Variants in QPCT observed in about 807,000 individuals in gnomAD.
QPCT encodes the protein EC.
QPCT carries 44 observed loss-of-function variants against 43.4 expected under a neutral mutation model. The ratio of observed to expected loss-of-function variants is 1.01; its 90% CI spans 0.80 to 1.30. QPCT has a LOEUF of 1.30. Among genes scored for constraint, QPCT ranks in the 50% most tolerant of loss-of-function variants. QPCT has a pLI of 0.00. For synonymous variants in QPCT, 168 were observed against 168.4 expected, an observed-to-expected ratio of 1.00 and a Z score of 0.02; for missense variants, 526 against 436.5, an observed-to-expected ratio of 1.21 and a Z score of -1.83.
At chr2:37,346,504 A>G (rs1672491298) in intron 1 of QPCT, among the ~76,000 whole-genome samples, 1 of 152,220 alleles carries the variant, frequency 6.6e-6, no homozygotes, top group Admixed American at 6.5e-5. Context: ...CTCTGAAAAG[A>G]TCATTTGTAG....
intron 5 of QPCT, among the ~76,000 whole-genome samples, chr2:37,370,560 T>C (rs1225067515): frequency 1.3e-5 from 2 of 152,230 alleles, no homozygotes; most frequent in African/African-American, 4.8e-5. Flanking sequence ...TGCCATCTTC[T>C]ATTTTCTACC....
chr2:37,350,333 A>G (rs1176279115), intron 1 of QPCT, among the ~76,000 whole-genome samples: 1 of 152,208 alleles, frequency 6.6e-6, no homozygotes, highest in Non-Finnish European at 1.5e-5. Context: ...TCTTGCCTCC[A>G]TATTCTTCTT....
chr2:37,345,118 G>A (rs1357168043), intron 1 of QPCT, among the ~76,000 whole-genome samples: 1 of 152,202 alleles, frequency 6.6e-6, no homozygotes, highest in Non-Finnish European at 1.5e-5. Flanking sequence ...TGATGGGGGT[G>A]CTGATAGGCA....
intron 2 of QPCT, among the ~76,000 whole-genome samples, chr2:37,354,526 T>C (rs1438048950): frequency 6.6e-6 from 1 of 152,208 alleles, no homozygotes; most frequent in African/African-American, 2.4e-5. Context: ...TGCTCAAGGT[T>C]ATACTTGTAC....
At chr2:37,369,817 C>G (rs754754651) in intron 5 of QPCT, 33 bp downstream of exon 5, 1 of 1,492,520 alleles carries the variant, frequency 6.7e-7, no homozygotes, top group Non-Finnish European at 9.3e-7. Context: ...AATAAAACAT[C>G]ATTTCTTGCT....
intron 1 of QPCT, among the ~76,000 whole-genome samples, chr2:37,348,654 T>TA (rs1260160191): frequency 6.6e-6 from 1 of 152,200 alleles, no homozygotes; most frequent in Non-Finnish European, 1.5e-5. Flanking sequence ...AAACCCTCTT[T>TA]AAAACCACAT....
chr2:37,352,717 A>T lies in QPCT; in HGVS notation c.121-72A>T, dbSNP rs1572729463. ...CTTATTTTGAAGTTTTAAGCAATTA[A>T]TTGAAAACATGTCAGAGTCTTAAAC... On this transcript the variant is annotated intron_variant, in intron 1 of 6. Transcript: ENST00000338415. The T allele has an allele frequency of 2.0e-6, 3 of 1,532,528 alleles. No individual in the cohort carries two copies. In the East Asian group the frequency reaches 6.9e-5, roughly 35 times the overall value. The allele number at this position is 1,532,528 out of a possible 1,614,324, so 94.9% of individuals were successfully genotyped here.
intron 2 of QPCT, among the ~76,000 whole-genome samples, chr2:37,356,478 C>T (rs2058719): frequency 0.13 from 19,036 of 152,164 alleles, 3,650 homozygotes; most frequent in African/African-American, 0.41. Flanking sequence ...AAGGCAGCTG[C>T]TTTAGAGTCC....
intron 2 of QPCT, among the ~76,000 whole-genome samples, chr2:37,359,266 CAAGGAGAAG>C (rs1672813117): frequency 6.6e-6 from 1 of 152,060 alleles, no homozygotes; most frequent in African/African-American, 2.4e-5. Context: ...TTTGCATAAG[CAAGGAGAAG>C]ATATGTCGAA....
At chr2:37,354,569 T>C (rs1207211104) in intron 2 of QPCT, among the ~76,000 whole-genome samples, 1 of 152,188 alleles carries the variant, frequency 6.6e-6, no homozygotes, top group Non-Finnish European at 1.5e-5. Flanking sequence ...TTGAGATCTC[T>C]ATCCTGTCAC....
At chr2:37,367,188 A>T in intron 3 of QPCT, 44 bp from the exon 4 acceptor site, 1 of 1,539,696 alleles carries the variant, frequency 6.5e-7, no homozygotes, top group Non-Finnish European at 8.9e-7. Context: ...ATTTTTCATC[A>T]TCACAGTATT....
At chr2:37,365,523 T>A (rs1323765771) in intron 3 of QPCT, among the ~76,000 whole-genome samples, 3 of 152,182 alleles carry the variant, frequency 2.0e-5, no homozygotes, top group Non-Finnish European at 4.4e-5. Flanking sequence ...TTGCTATAAA[T>A]GGGATTACAA....
rs1224520731 is a variant in QPCT, at chr2:37,359,620, T to C, written c.308T>C (p.Val103Ala). 1.2e-6 allele frequency: 2 copies of C among 1,614,014 alleles called. No homozygotes were observed. Among genetic ancestry groups the C allele is most frequent in the Non-Finnish European group, 1.7e-6 (2 of 1,180,032 alleles). Residue 103 changes from valine (V) to alanine (A), a missense_variant, in exon 3 of 7, where the codon GTC (valine) becomes GCC (alanine). Val to Ala is a moderately conservative substitution (Grantham distance 64). Coordinates refer to ENST00000338415, the MANE Select transcript of QPCT (RefSeq NM_012413.4). ...ATTCAGAGGCTTCAGGCTGACTGGG[T>C]CTTGGAAATAGACACCTTCTTGAGT... is the stretch of plus-strand genomic sequence containing the variant. ...QRIQRLQADW[V>A]LEIDTFLSQT...
intron 3 of QPCT, among the ~76,000 whole-genome samples, chr2:37,366,823 G>C (rs539701265): frequency 6.6e-6 from 1 of 152,104 alleles, no homozygotes; most frequent in Non-Finnish European, 1.5e-5. Flanking sequence ...GTCAGCACTG[G>C]ATGTGGGACA....
chr2:37,346,754 T>C (rs3770756), intron 1 of QPCT, among the ~76,000 whole-genome samples: 94,917 of 151,950 alleles, frequency 0.62, 30,513 homozygotes, highest in East Asian at 0.91. Context: ...CCTTATTCTG[T>C]AGACCTTCAT....
At chr2:37,356,258 C>A (rs1476301961) in intron 2 of QPCT, among the ~76,000 whole-genome samples, 1 of 152,170 alleles carries the variant, frequency 6.6e-6, no homozygotes, top group East Asian at 1.9e-4. Context: ...CTCATGTCTT[C>A]ATCTTTGTAT....
chr2:37,346,434 T>C (rs1672490328), intron 1 of QPCT, among the ~76,000 whole-genome samples: 1 of 152,206 alleles, frequency 6.6e-6, no homozygotes, highest in Non-Finnish European at 1.5e-5. Flanking sequence ...CCACACCAAA[T>C]GTATCTTTGT....
chr2:37,361,841 C>T (rs565608809), intron 3 of QPCT, among the ~76,000 whole-genome samples: 3 of 152,178 alleles, frequency 2.0e-5, no homozygotes, highest in Non-Finnish European at 4.4e-5. Context: ...CTGCAGATAA[C>T]CCAGACTGTG....
intron 1 of QPCT, among the ~76,000 whole-genome samples, chr2:37,345,170 A>C (rs1672456675): frequency 6.6e-6 from 1 of 152,122 alleles, no homozygotes; most frequent in Non-Finnish European, 1.5e-5. Context: ...CCGGGAGGCG[A>C]GGGCGCATCG....
Sources: allele counts gnomAD v4.1 joint callset (sites outside exome capture counted in the v4.1 genomes callset), GRCh38; gene constraint gnomAD v4.1.1; transcripts MANE v1.5; gene names NCBI Gene and HGNC (gene_info 2026-07-23, HGNC 2026-07-21).